Variants in PPP1R21 observed in about 807,000 individuals in gnomAD.
PPP1R21 encodes the protein KLRAQ motif containing 1.
In PPP1R21, 85 loss-of-function variants were observed where a neutral mutation model predicts 112.8. The observed-to-expected ratio is 0.75, with a 90% CI of 0.63 to 0.90. The LOEUF (loss-of-function observed/expected upper bound fraction) is 0.90, where lower values mean the gene tolerates loss of function less well. Ranked by LOEUF, PPP1R21 falls within the 40% of genes least tolerant of loss-of-function variation. The pLI, the probability that PPP1R21 is intolerant of heterozygous loss-of-function variation, is 0.00. For missense variants in PPP1R21, 1,199 were observed against 901.5 expected (o/e 1.33, Z -4.23); for synonymous variants, 381 against 322.3 (o/e 1.18, Z -1.95).
intron 7 of PPP1R21, among the ~76,000 whole-genome samples, chr2:48,463,162 T>C (rs1172804258): frequency 2.0e-5 from 3 of 152,198 alleles, no homozygotes; most frequent in African/African-American, 7.2e-5. Context: ...TCAACACTAT[T>C]GGGCTGGAGG....
chr2:48,487,836 G>A (rs184570840), intron 14 of PPP1R21, among the ~76,000 whole-genome samples: 54 of 151,736 alleles, frequency 3.6e-4, no homozygotes, highest in Non-Finnish European at 5.4e-4. Context: ...CAGAGTGTGC[G>A]TTCATGTGGC....
intron 12 of PPP1R21, among the ~76,000 whole-genome samples, chr2:48,476,308 A>G (rs1668753863): frequency 1.3e-5 from 2 of 152,214 alleles, no homozygotes; most frequent in African/African-American, 4.8e-5. Flanking sequence ...GCAGAATGCT[A>G]TTATATTTTA....
chr2:48,492,933 G>A (rs1211988065), intron 15 of PPP1R21, among the ~76,000 whole-genome samples: 1 of 150,882 alleles, frequency 6.6e-6, no homozygotes, highest in African/African-American at 2.4e-5. Context: ...GTATATATTT[G>A]CTTGTTAATG....
At chr2:48,444,527 T>G (rs1667166761) in intron 1 of PPP1R21, among the ~76,000 whole-genome samples, 1 of 152,232 alleles carries the variant, frequency 6.6e-6, no homozygotes, top group Admixed American at 6.5e-5. Context: ...GATTTTAGCC[T>G]GCTTTCTTTG....
intron 12 of PPP1R21, among the ~76,000 whole-genome samples, chr2:48,475,757 G>A (rs1282154780): frequency 5.3e-5 from 8 of 152,078 alleles, no homozygotes. Flanking sequence ...TGAGGCAGGA[G>A]AATCGCGTGA....
chr2:48,452,596 A>G (rs1328014414), intron 2 of PPP1R21, among the ~76,000 whole-genome samples: 1 of 151,718 alleles, frequency 6.6e-6, no homozygotes, highest in Non-Finnish European at 1.5e-5. Context: ...CATTGTAATT[A>G]TAGTACAACA....
At chr2:48,454,025 G>A (rs746154379) in intron 2 of PPP1R21, among the ~76,000 whole-genome samples, 10 of 152,046 alleles carry the variant, frequency 6.6e-5, no homozygotes, top group Non-Finnish European at 1.5e-4. Flanking sequence ...TTGGGAGGCC[G>A]AGGCAGGTGG....
rs1315784769 is a variant in PPP1R21 at position 48,486,703 on chromosome 2, C to T, written c.1391C>T (p.Thr464Ile). ...CCAACAGCAACACAGAAGCTGATAA[C>T]AACTAATGACTGTATCCTGTCATCA... ...ELPTATQKLITTNDCILSSVV... is the reference protein window; with the variant it reads ...ELPTATQKLIITNDCILSSVV... Residue 464 changes from threonine (T) to isoleucine (I), a missense_variant, in exon 14 of 22, where the codon ACA becomes ATA. Thr to Ile is a moderately conservative substitution (Grantham distance 89, BLOSUM62 -1). Coordinates refer to ENST00000294952, the MANE Select transcript of PPP1R21 (RefSeq NM_001135629.3). 2.5e-6 allele frequency: 4 copies of T among 1,613,912 alleles called. No individual in the cohort carries two copies. Among genetic ancestry groups the T allele is most frequent in the African/African-American group, 1.3e-5 (1 of 75,020 alleles).
At chr2:48,509,910 A>G (rs754225744) in intron 19 of PPP1R21, 105 bp from the exon 20 acceptor site, 1 of 657,898 alleles carries the variant, frequency 1.5e-6, no homozygotes, top group Non-Finnish European at 2.6e-6. Flanking sequence ...TGTGGAATGA[A>G]TGAGTAGCTT....
chr2:48,505,766 T>G (rs1670347479), intron 18 of PPP1R21, among the ~76,000 whole-genome samples, 170 bp downstream of exon 18: 1 of 152,254 alleles, frequency 6.6e-6, no homozygotes, highest in African/African-American at 2.4e-5. Context: ...TCCATGTAGC[T>G]TTTCTCTGGT....
rs374629596 is a variant in PPP1R21, at chr2:48,444,041, A to G, written c.57+3031A>G. Among the ~76,000 whole-genome samples, 459 of 149,142 alleles carry G rather than the reference A, an allele frequency of 3.1e-3. 3 individuals are homozygous for G. The highest frequency in any genetic ancestry group is 0.011 in the African/African-American group (423 of 40,160). ...ATAATCTTTCCTCTTGAAAAGGAAG[A>G]AAAAAAAAACCAAACAAACAGTGGT... On this transcript the variant is annotated intron_variant, in intron 1 of 21. Coordinates refer to ENST00000294952, the MANE Select transcript of PPP1R21 (RefSeq NM_001135629.3).
rs145391346 is a variant in PPP1R21 at position 48,453,692 on chromosome 2, A to G, written c.127-903A>G. Reference sequence around the variant, plus strand: ...AAAATGGTCACCAGAGGGTGTGTCAAAAAGGTTAGCAGAATATTTTAGATT... The same window carrying G: ...AAAATGGTCACCAGAGGGTGTGTCAGAAAGGTTAGCAGAATATTTTAGATT... On this transcript the variant is annotated intron_variant, in intron 2 of 21. Transcript: ENST00000294952. Among the ~76,000 whole-genome samples, 995 of 152,360 alleles carry G rather than the reference A, an allele frequency of 6.5e-3. 11 individuals are homozygous for G. Among genetic ancestry groups the G allele is most frequent in the African/African-American group, 0.022 (933 of 41,570 alleles).
chr2:48,471,165 A>G lies in PPP1R21; in HGVS notation c.976A>G (p.Thr326Ala). Residue 326 changes from threonine to alanine, a missense_variant, in exon 10 of 22, where the codon ACT becomes GCT. Coordinates refer to ENST00000294952, the MANE Select transcript of PPP1R21 (RefSeq NM_001135629.3). ...EGMLHLFESI[T>A]EDTVTVLETT... The stretch of plus-strand genomic sequence containing the variant: ...AATGCTTCATTTATTTGAAAGTATC[A>G]CTGAGGATACTGTGACTGTCTTGGT... The G allele has an allele frequency of 2.5e-6, 4 of 1,611,772 alleles. No homozygotes were observed. Among genetic ancestry groups the G allele is most frequent in the Non-Finnish European group, 3.4e-6 (4 of 1,177,906 alleles).
rs200775619 is a variant in PPP1R21 at position 48,491,019 on chromosome 2, T to G, written c.1448T>G (p.Ile483Ser). The G allele has an allele frequency of 5.1e-5, 83 of 1,613,500 alleles. No homozygotes were observed. In the Middle Eastern group the frequency reaches 8.2e-4, roughly 16 times the overall value. ...ATTTCCTTGTCATACTTTGTTTAGA[T>G]TGCATCCTTCTTCAGCAACAATTTG... is the stretch of plus-strand genomic sequence containing the variant. ...VVALTNGAGK[I>S]ASFFSNNLDY... Residue 483 changes from isoleucine to serine, a missense_variant and splice_region_variant, in exon 15 of 22, where the codon ATT (isoleucine) becomes AGT (serine). Physicochemically the swap from Ile to Ser is moderately radical, Grantham distance 142. Transcript: ENST00000294952.
chr2:48,502,676 CTTTTTTTTTTTT>C (rs762811938), intron 17 of PPP1R21, among the ~76,000 whole-genome samples: 2 of 94,042 alleles, frequency 2.1e-5, no homozygotes, highest in Non-Finnish European at 4.2e-5. Flanking sequence ...AGAAACTTTT[CTTTTTTTTTTTT>C]TTTTTTTTTT....
At position 48,440,802 on chromosome 2, in the gene PPP1R21, G is replaced by A. The variant is rs983966596; in HGVS notation, c.-152G>A. 8 of 642,778 alleles carry A rather than the reference G, an allele frequency of 1.2e-5. No homozygotes were observed. In the Admixed American group the frequency reaches 2.2e-4, roughly 17 times the overall value. 39.8% of individuals were successfully genotyped at this position (642,778 alleles called of 1,614,324 possible). ...CTCCCACCCCGGGAACCCGGAAGTG[G>A]AGGAGGAGGCGCGGCGGCGGCGGCG... is the stretch of plus-strand genomic sequence containing the variant. On this transcript the variant is annotated 5_prime_UTR_variant, in exon 1 of 22. Transcript: ENST00000294952.
chr2:48,471,221 TG>T (rs759702417), intron 10 of PPP1R21, 33 bp downstream of exon 10: 12 of 1,605,136 alleles, frequency 7.5e-6, no homozygotes, highest in Admixed American at 1.7e-5. Flanking sequence ...TTCTGGAAAC[TG>T]GGAGCTCCTC....
At chr2:48,466,331 C>A (rs1043279933) in intron 9 of PPP1R21, among the ~76,000 whole-genome samples, 1 of 152,116 alleles carries the variant, frequency 6.6e-6, no homozygotes, top group African/African-American at 2.4e-5. Flanking sequence ...CCCACCTCAG[C>A]TTCCCAACTA....
At chr2:48,490,273 C>G (rs1572878834) in intron 14 of PPP1R21, among the ~76,000 whole-genome samples, 2 of 149,950 alleles carry the variant, frequency 1.3e-5, no homozygotes. Context: ...GCACTTTGGT[C>G]AGTTTGCAGT....
Sources: gnomAD v4.1 joint callset for allele counts (sites outside exome capture counted in the v4.1 genomes callset) on GRCh38, gnomAD v4.1.1 for gene constraint, MANE v1.5 for transcripts, NCBI Gene and HGNC (gene_info 2026-07-23, HGNC 2026-07-21) for gene names.